MACROH2A1: variants seen among roughly 807,000 people sequenced by gnomAD.
The protein encoded by MACROH2A1 is macroH2A.1 histone, also known as core histone macro-H2A.1.
MACROH2A1 carries 2 observed loss-of-function variants against 31.6 expected under a neutral mutation model. That is an observed-to-expected ratio of 0.06 (90% CI 0.03 to 0.20). MACROH2A1 has a LOEUF of 0.20. Ranked by LOEUF, MACROH2A1 falls within the 10% of genes least tolerant of loss-of-function variation. The probability of loss-of-function intolerance (pLI) is 1.00; values close to 1 mark genes in which losing one functional copy is unlikely to be tolerated. For missense variants in MACROH2A1, 230 were observed against 474.0 expected (o/e 0.49, Z 4.78); for synonymous variants, 169 against 189.6 (o/e 0.89, Z 0.89).
chr5:135,383,247 A>G (rs1409474301), intron 2 of MACROH2A1, among the ~76,000 whole-genome samples: 4 of 152,208 alleles, frequency 2.6e-5, no homozygotes, highest in African/African-American at 9.6e-5. Context: ...TGTGGGGAGC[A>G]CCTCCTAAAG....
chr5:135,371,685 A>G (rs1176606554), intron 2 of MACROH2A1, among the ~76,000 whole-genome samples: 1 of 152,250 alleles, frequency 6.6e-6, no homozygotes, highest in African/African-American at 2.4e-5. Flanking sequence ...GGATAGACCC[A>G]GAATGGATCT....
chr5:135,355,299 T>C (rs1017388321), intron 5 of MACROH2A1: 6 of 455,728 alleles, frequency 1.3e-5, no homozygotes, highest in Admixed American at 1.2e-4. Context: ...CTACCTTCCC[T>C]TCTGACCAGA....
chr5:135,375,566 A>G (rs1764753129), intron 2 of MACROH2A1, among the ~76,000 whole-genome samples: 1 of 152,032 alleles, frequency 6.6e-6, no homozygotes, highest in Admixed American at 6.5e-5. Flanking sequence ...GCAGAATTAG[A>G]CTCCTAACAG....
At position 135,353,043 on chromosome 5, in the gene MACROH2A1, C is replaced by T; in HGVS notation, c.591G>A (p.Leu197=). ...TACTGATTTCACTGTGAATAAGGTT[C>T]AGCTGCAAAGAAAAGCATGAGGTGG... is the stretch of plus-strand genomic sequence containing the variant. The part of the protein sequence containing the change: ...STKSLFLGQK[L]NLIHSEISNL... The change falls in exon 6 of 9, where the codon CTG becomes CTA. Residue 197 remains leucine, a splice_region_variant and synonymous_variant. Transcript: ENST00000511689. 6.3e-7 allele frequency: 1 copy of T among 1,593,446 alleles called. No individual in the cohort carries two copies. The highest frequency in any genetic ancestry group is 8.6e-7 in the Non-Finnish European group (1 of 1,161,224).
chr5:135,363,434 T>C (rs772640866), intron 4 of MACROH2A1, among the ~76,000 whole-genome samples: 5 of 152,364 alleles, frequency 3.3e-5, no homozygotes, highest in African/African-American at 1.2e-4. Context: ...ATTCAAATCA[T>C]AGCAACTATG....
chr5:135,350,771 C>A, intron 6 of MACROH2A1: 1 of 1,068,310 alleles, frequency 9.4e-7, no homozygotes, highest in African/African-American at 1.5e-5. Flanking sequence ...CTGTCTGCAG[C>A]GGCCGACTGA....
intron 2 of MACROH2A1, 27 bp from the exon 3 acceptor site, chr5:135,370,169 G>A (rs905745107): frequency 2.0e-6 from 3 of 1,474,334 alleles, no homozygotes; most frequent in Non-Finnish European, 2.8e-6. Context: ...TGAGTGTATG[G>A]TCATGTTAGA....
chr5:135,359,807 T>C (rs1762610290), intron 5 of MACROH2A1: 1 of 948,564 alleles, frequency 1.1e-6, no homozygotes, highest in Non-Finnish European at 1.3e-6. Context: ...CCACCCCTTT[T>C]TGATGTCAAT....
At chr5:135,342,598 T>G (rs147155989) in intron 8 of MACROH2A1, among the ~76,000 whole-genome samples, 2,104 of 152,320 alleles carry the variant, frequency 0.014, 45 homozygotes, top group African/African-American at 0.048. Flanking sequence ...GCAACTGTGT[T>G]GGTCGTGAAG....
chr5:135,348,195 C>A (rs1379461517), intron 6 of MACROH2A1, among the ~76,000 whole-genome samples: 1 of 152,204 alleles, frequency 6.6e-6, no homozygotes, highest in Non-Finnish European at 1.5e-5. Flanking sequence ...CATGTAGACA[C>A]ACATGTACTT....
At chr5:135,338,828 G>A (rs1759262832) in intron 8 of MACROH2A1, among the ~76,000 whole-genome samples, 1 of 152,212 alleles carries the variant, frequency 6.6e-6, no homozygotes. Context: ...AGGGACTAAG[G>A]GCTTCCACTC....
chr5:135,360,329 C>T (rs1035528968), intron 5 of MACROH2A1, 168 bp downstream of exon 5: 1 of 607,004 alleles, frequency 1.6e-6, no homozygotes, highest in Admixed American at 2.9e-5. Flanking sequence ...TTGTGGCCTC[C>T]CCAGCATCTA....
intron 6 of MACROH2A1, chr5:135,346,333 A>C (rs1760834215): frequency 2.3e-6 from 1 of 440,946 alleles, no homozygotes. Context: ...GAGATGTGAA[A>C]GAGACAGGAC....
chr5:135,337,946 GGAA>G, intron 8 of MACROH2A1: 2 of 1,191,228 alleles, frequency 1.7e-6, no homozygotes, highest in Non-Finnish European at 2.1e-6. Flanking sequence ...TACAGCCTAA[GGAA>G]GAAACCCTGC....
intron 1 of MACROH2A1, among the ~76,000 whole-genome samples, chr5:135,391,599 C>A (rs954083900): frequency 1.3e-5 from 2 of 152,228 alleles, no homozygotes; most frequent in Admixed American, 1.3e-4. Context: ...GGCCGCTGAG[C>A]CTCAGAGCTC....
chr5:135,381,674 T>C (rs1765669682), intron 2 of MACROH2A1, among the ~76,000 whole-genome samples: 1 of 152,226 alleles, frequency 6.6e-6, no homozygotes, highest in South Asian at 2.1e-4. Flanking sequence ...AATGAAAATA[T>C]GACTGAAATT....
chr5:135,390,650 G>A (rs1029880403), intron 1 of MACROH2A1, among the ~76,000 whole-genome samples: 3 of 152,136 alleles, frequency 2.0e-5, no homozygotes, highest in Non-Finnish European at 4.4e-5. Context: ...ATAAACTGAC[G>A]TCACACTCCA....
intron 7 of MACROH2A1, chr5:135,345,064 G>A (rs1370656125): frequency 6.6e-6 from 1 of 152,234 alleles, no homozygotes; most frequent in African/African-American, 2.4e-5. Flanking sequence ...GGAACTGCCT[G>A]GGAGAACTTC....
intron 8 of MACROH2A1, 30 bp from the exon 9 acceptor site, chr5:135,335,171 C>G (rs764900128): frequency 3.1e-6 from 5 of 1,594,142 alleles, no homozygotes; most frequent in Non-Finnish European, 3.4e-6. Flanking sequence ...CACTCAGCAA[C>G]TGGGATGCCA....
Sources: allele counts gnomAD v4.1 joint callset (sites outside exome capture counted in the v4.1 genomes callset), GRCh38; gene constraint gnomAD v4.1.1; transcripts MANE v1.5; gene names NCBI Gene and HGNC (gene_info 2026-07-23, HGNC 2026-07-21).